Variants in CAST observed in about 807,000 individuals in gnomAD.
The protein encoded by CAST is MIR583 host.
A neutral mutation model predicts 119.6 loss-of-function variants in CAST; 76 were observed. That is an observed-to-expected ratio of 0.64 (90% confidence interval 0.53 to 0.77). The LOEUF is 0.77. CAST is among the 30% of genes least tolerant of loss of function. The pLI is 0.00. For synonymous variants in CAST, 319 were observed against 331.6 expected, an observed-to-expected ratio of 0.96 and a Z score of 0.41; for missense variants, 953 against 946.5, an observed-to-expected ratio of 1.01 and a Z score of -0.09.
intron 3 of CAST, among the ~76,000 whole-genome samples, chr5:96,713,915 C>T (rs1425217396): frequency 6.6e-6 from 1 of 152,086 alleles, no homozygotes; most frequent in African/African-American, 2.4e-5. Context: ...GCGGAGGTTA[C>T]AGTGAGCCAA....
chr5:96,741,631 C>A, intron 15 of CAST, 51 bp downstream of exon 15: 1 of 1,244,562 alleles, frequency 8.0e-7, no homozygotes, highest in Non-Finnish European at 1.2e-6. Context: ...CCTGATCTAG[C>A]TCATTCAGGA....
chr5:96,713,806 C>G (rs1756681000), intron 3 of CAST, among the ~76,000 whole-genome samples: 1 of 152,026 alleles, frequency 6.6e-6, no homozygotes, highest in South Asian at 2.1e-4. Flanking sequence ...GAAACCCCAT[C>G]TCTACTAAAA....
At chr5:96,613,829 G>A (rs1747406724) in intron 1 of CAST, among the ~76,000 whole-genome samples, 1 of 152,140 alleles carries the variant, frequency 6.6e-6, no homozygotes, top group Non-Finnish European at 1.5e-5. Context: ...TAGGTCTGGG[G>A]TGGAGCCTGC....
intron 1 of CAST, among the ~76,000 whole-genome samples, chr5:96,663,327 G>A (rs1043828227): frequency 6.6e-6 from 1 of 152,248 alleles, no homozygotes; most frequent in African/African-American, 2.4e-5. Context: ...CTTCAGGTTA[G>A]GCTCGGGGAG....
At chr5:96,170,361 T>C in the CAST span, among the ~76,000 whole-genome samples, 1 of 152,212 alleles carries the variant, frequency 6.6e-6, no homozygotes, top group Non-Finnish European at 1.5e-5. Context: ...GAGGAGGTTC[T>C]GGAGGAACCC....
At chr5:96,351,357 G>A in the CAST span, among the ~76,000 whole-genome samples, 9 of 152,056 alleles carry the variant, frequency 5.9e-5, no homozygotes, top group Admixed American at 1.3e-4. Flanking sequence ...CTTTTCAGGT[G>A]GAAGTTTAAG....
the CAST span, among the ~76,000 whole-genome samples, chr5:96,356,272 A>G: frequency 1.3e-5 from 2 of 152,102 alleles, no homozygotes; most frequent in Non-Finnish European, 2.9e-5. Flanking sequence ...ATTTTCTCTC[A>G]TTCTGTAGGT....
At chr5:96,116,179 A>G in the CAST span, among the ~76,000 whole-genome samples, 8 of 152,158 alleles carry the variant, frequency 5.3e-5, no homozygotes, top group Admixed American at 2.0e-4. Context: ...CCAGATTGTC[A>G]TATACATGGA....
chr5:96,372,873 C>G, the CAST span, among the ~76,000 whole-genome samples: 1 of 152,156 alleles, frequency 6.6e-6, no homozygotes, highest in African/African-American at 2.4e-5. Context: ...GGAAGATTGG[C>G]TCCGGGGTGT....
At chr5:96,118,630 C>CTT in the CAST span, among the ~76,000 whole-genome samples, 10 of 129,932 alleles carry the variant, frequency 7.7e-5, no homozygotes, top group East Asian at 6.6e-4. Flanking sequence ...TGGAAATTTG[C>CTT]TTTTTTTTTT....
chr5:96,156,008 G>A, the CAST span, among the ~76,000 whole-genome samples: 6 of 152,194 alleles, frequency 3.9e-5, no homozygotes, highest in Non-Finnish European at 5.9e-5. Context: ...CAACCTTCTC[G>A]AAGCCTTTTG....
the CAST span, among the ~76,000 whole-genome samples, chr5:96,046,711 T>C: frequency 4.6e-5 from 7 of 152,334 alleles, no homozygotes; most frequent in South Asian, 1.0e-3. Flanking sequence ...ATTTTCACAG[T>C]GCTGATAAAG....
the CAST span, among the ~76,000 whole-genome samples, chr5:96,437,601 A>G: frequency 6.6e-6 from 1 of 152,160 alleles, no homozygotes; most frequent in Non-Finnish European, 1.5e-5. Context: ...TGAATATTAT[A>G]CAGCTCCTTG....
At chr5:95,979,836 G>T in the CAST span, among the ~76,000 whole-genome samples, 1 of 152,108 alleles carries the variant, frequency 6.6e-6, no homozygotes, top group Admixed American at 6.6e-5. Flanking sequence ...GTAGAAGTGT[G>T]GCAAGGCATG....
the CAST span, among the ~76,000 whole-genome samples, chr5:96,181,082 G>A: frequency 2.0e-5 from 3 of 151,662 alleles, no homozygotes; most frequent in South Asian, 6.3e-4. Context: ...TTTTCTTCTG[G>A]CTATCAGAAA....
At chr5:96,384,414 A>G in the CAST span, among the ~76,000 whole-genome samples, 1 of 152,344 alleles carries the variant, frequency 6.6e-6, no homozygotes, top group Non-Finnish European at 1.5e-5. Flanking sequence ...GCTGTCCTTG[A>G]CAAATTGGAA....
the CAST span, among the ~76,000 whole-genome samples, chr5:96,192,274 A>G: frequency 6.6e-5 from 10 of 152,244 alleles, no homozygotes; most frequent in Non-Finnish European, 1.2e-4. Context: ...ATCATGTTAA[A>G]AGAAAACATT....
At chr5:96,125,206 A>C in the CAST span, among the ~76,000 whole-genome samples, 2 of 152,100 alleles carry the variant, frequency 1.3e-5, no homozygotes, top group African/African-American at 4.8e-5. Flanking sequence ...TGTATTCCTT[A>C]AGTTGGTGAT....
At chr5:96,512,656 G>A in the CAST span, among the ~76,000 whole-genome samples, 2 of 152,122 alleles carry the variant, frequency 1.3e-5, no homozygotes, top group Non-Finnish European at 2.9e-5. Flanking sequence ...TGGGTGGAAT[G>A]TAGTCTTTTA....
Sources: gnomAD v4.1 joint callset for allele counts (sites outside exome capture counted in the v4.1 genomes callset) on GRCh38, gnomAD v4.1.1 for gene constraint, MANE v1.5 for transcripts, NCBI Gene and HGNC (gene_info 2026-07-23, HGNC 2026-07-21) for gene names.